Variants in UXS1 observed in about 807,000 individuals in gnomAD.
The protein encoded by UXS1 is UDP-glucuronate decarboxylase 1.
A neutral mutation model predicts 62.6 loss-of-function variants in UXS1; 33 were observed. The observed-to-expected ratio is 0.53, with a 90% CI of 0.40 to 0.70. UXS1 has a LOEUF of 0.70. Ranked by LOEUF, UXS1 falls within the 30% of genes least tolerant of loss-of-function variation. UXS1 has a pLI of 0.00. For synonymous variants in UXS1, 213 were observed against 206.8 expected (o/e 1.03, Z -0.26); for missense variants, 434 against 556.3 (o/e 0.78, Z 2.21).
chr2:106,096,741 G>A lies in UXS1; in HGVS notation c.1123C>T (p.Leu375=), dbSNP rs1248910574. The change falls in exon 14 of 15, where the codon CTG becomes TTG. Residue 375 remains leucine, a synonymous_variant. Coordinates refer to ENST00000283148, the MANE Select transcript of UXS1 (RefSeq NM_001253875.2). ...KRKPDIKKAK[L]MLGWEPVVPL... is the part of the protein sequence containing the mutation. The stretch of plus-strand genomic sequence containing the variant: ...ACCACGGGCTCCCACCCCAGCATCA[G>A]CTTTGCTTTTTTGATGTCTGGTTTT... The A allele has an allele frequency of 6.3e-7, 1 of 1,582,124 alleles. No homozygotes were observed. The highest frequency in any genetic ancestry group is 1.7e-4 in the Middle Eastern group (1 of 6,028).
chr2:106,165,667 CCT>C (rs748347021), intron 2 of UXS1, among the ~76,000 whole-genome samples: 12 of 152,178 alleles, frequency 7.9e-5, no homozygotes, highest in African/African-American at 1.7e-4. Flanking sequence ...TAGCTGGCCC[CCT>C]GAGGTCATGG....
At position 106,145,175 on chromosome 2, in the gene UXS1, G is replaced by C. The variant is rs769595335; in HGVS notation, c.472+15C>G. ...GCGGAGCTCTGAATAATAACAATGTGCAGTTTTCACTCACCCTCGATGTAG... is the reference window on the plus strand; with the variant it reads ...GCGGAGCTCTGAATAATAACAATGTCCAGTTTTCACTCACCCTCGATGTAG... On this transcript the variant is annotated intron_variant, in intron 6 of 14. Transcript: ENST00000283148. 1.1e-5 allele frequency: 18 copies of C among 1,610,134 alleles called. No individual in the cohort carries two copies. Among genetic ancestry groups the C allele is most frequent in the Admixed American group, 1.7e-5 (1 of 59,682 alleles).
At chr2:106,110,388 T>C (rs1678490871) in intron 10 of UXS1, among the ~76,000 whole-genome samples, 1 of 152,194 alleles carries the variant, frequency 6.6e-6, no homozygotes, top group African/African-American at 2.4e-5. Context: ...GCCCTGGCTG[T>C]GGCCAAGGAG....
In UXS1 at chr2:106,181,433, G is replaced by A. The variant is rs375078558; in HGVS notation, c.94+12715C>T. 2.8e-4 allele frequency among the ~76,000 whole-genome samples: 42 copies of A among 152,260 alleles called. 4 individuals are homozygous for A. The highest frequency in any genetic ancestry group is 2.2e-3 in the Admixed American group (33 of 15,290). On this transcript the variant is annotated intron_variant, in intron 1 of 14. Transcript: ENST00000283148. Reference sequence around the variant, plus strand: ...GAATGCCTAAGGCAAAGAAAGCTGGGGCAAGCGGGGCGTGGTGGCTCACAC... The same window carrying A: ...GAATGCCTAAGGCAAAGAAAGCTGGAGCAAGCGGGGCGTGGTGGCTCACAC...
intron 6 of UXS1, among the ~76,000 whole-genome samples, chr2:106,139,745 A>G (rs538510839): frequency 5.2e-4 from 79 of 152,298 alleles, no homozygotes; most frequent in African/African-American, 1.9e-3. Flanking sequence ...TGCCACACCC[A>G]TGCTGTATGA....
chr2:106,095,093 C>T (rs544422733), intron 14 of UXS1, among the ~76,000 whole-genome samples: 5 of 152,014 alleles, frequency 3.3e-5, no homozygotes, highest in Non-Finnish European at 7.4e-5. Flanking sequence ...GCTCACATTC[C>T]AAGAATGTTA....
chr2:106,170,218 C>T (rs1028403752), intron 1 of UXS1, among the ~76,000 whole-genome samples: 2 of 152,212 alleles, frequency 1.3e-5, no homozygotes, highest in South Asian at 2.1e-4. Flanking sequence ...TGTCCCCAAC[C>T]CTTCAGCTCG....
rs562237607 is a variant in UXS1, at chr2:106,163,067, C to A, written c.230+600G>T. On this transcript the variant is annotated intron_variant, in intron 4 of 14. Coordinates refer to ENST00000283148, the MANE Select transcript of UXS1 (RefSeq NM_001253875.2). ...CATACAGTACGTGCAAGAGGAAAGTCCTGGAGGCTGAGGCTCAGCGGCCTC... is the reference window on the plus strand; with the variant it reads ...CATACAGTACGTGCAAGAGGAAAGTACTGGAGGCTGAGGCTCAGCGGCCTC... 1.4e-4 allele frequency among the ~76,000 whole-genome samples: 22 copies of A among 152,302 alleles called. No individual in the cohort carries two copies. In the South Asian group the frequency reaches 4.6e-3, roughly 32 times the overall value.
intron 11 of UXS1, chr2:106,101,571 A>G (rs1357000839): frequency 1.9e-5 from 3 of 155,014 alleles, no homozygotes; most frequent in Non-Finnish European, 2.9e-5. Context: ...AACAAGATCC[A>G]CGGAAATGAA....
At chr2:106,128,198 T>C (rs1352645144) in intron 7 of UXS1, among the ~76,000 whole-genome samples, 1 of 152,108 alleles carries the variant, frequency 6.6e-6, no homozygotes, top group African/African-American at 2.4e-5. Context: ...GCGCTTGTGA[T>C]GGCAAGAAGA....
chr2:106,191,605 T>C (rs996521276), intron 1 of UXS1, among the ~76,000 whole-genome samples: 1 of 152,238 alleles, frequency 6.6e-6, no homozygotes, highest in Non-Finnish European at 1.5e-5. Context: ...CTCTGGCCCC[T>C]GTCTGCCTGG....
chr2:106,129,792 A>C lies in UXS1; in HGVS notation c.473-14T>G. 3.2e-6 allele frequency: 5 copies of C among 1,568,756 alleles called. No individual in the cohort carries two copies. Among genetic ancestry groups the C allele is most frequent in the Non-Finnish European group, 4.3e-6 (5 of 1,151,278 alleles). On this transcript the variant is annotated splice_polypyrimidine_tract_variant and intron_variant, in intron 6 of 14. Transcript: ENST00000283148. ...ATATCTGGTCAACTAAAGGAGACAAAACAGAAGCCTATTACTTCAAAAAAG... is the reference window on the plus strand; with the variant it reads ...ATATCTGGTCAACTAAAGGAGACAACACAGAAGCCTATTACTTCAAAAAAG...
intron 2 of UXS1, 63 bp downstream of exon 2, chr2:106,165,993 T>G (rs1683187715): frequency 1.2e-5 from 18 of 1,508,678 alleles, no homozygotes. Flanking sequence ...ATGGTATATA[T>G]GTACCAACTG....
Position 106,149,888 on chromosome 2 carries a change from G to C in UXS1, c.292-4518C>G, listed in dbSNP as rs117489184. Among the ~76,000 whole-genome samples, 3 of 152,286 alleles carry C rather than the reference G, an allele frequency of 2.0e-5. No homozygotes were observed. In the East Asian group the frequency reaches 5.8e-4, roughly 29 times the overall value. On this transcript the variant is annotated intron_variant, in intron 5 of 14. Coordinates refer to ENST00000283148, the MANE Select transcript of UXS1 (RefSeq NM_001253875.2). The stretch of plus-strand genomic sequence containing the variant: ...AGAGAAGAGCTGTGGGGGAAGTCTA[G>C]AACTTCTTAGAGATTACCTGTAACA...
At chr2:106,168,620 A>C (rs548329564) in intron 1 of UXS1, among the ~76,000 whole-genome samples, 2 of 152,272 alleles carry the variant, frequency 1.3e-5, no homozygotes, top group East Asian at 3.9e-4. Flanking sequence ...TTTTGCTTTT[A>C]TCTTACTCTC....
Position 106,096,800 on chromosome 2 carries a change from A to T in UXS1, c.1064T>A (p.Phe355Tyr). 6.3e-7 allele frequency: 1 copy of T among 1,590,590 alleles called. No individual in the cohort carries two copies. The highest frequency in any genetic ancestry group is 8.6e-7 in the Non-Finnish European group (1 of 1,167,010). ...TGGGTCATCCTGGGCTTCGGAGAGA[A>T]ACTGAATTTCACTTCCGCTACCTGA... Reference protein sequence around the residue: ...NLVGSGSEIQFLSEAQDDPQK... With the variant: ...NLVGSGSEIQYLSEAQDDPQK... The change falls in exon 14 of 15, where the codon TTT (phenylalanine) becomes TAT (tyrosine). Residue 355 changes from phenylalanine to tyrosine, a missense_variant. Physicochemically the swap from Phe to Tyr is conservative, Grantham distance 22. Around this residue, in one of 3 missense-constraint regions of UXS1, gnomAD observed 209 missense variants for 233.3 expected, o/e 0.90. Coordinates refer to ENST00000283148, the MANE Select transcript of UXS1 (RefSeq NM_001253875.2).
At position 106,163,823 on chromosome 2, in the gene UXS1, AT is replaced by A. The variant is rs1683052980; in HGVS notation, c.187-114del. On this transcript the variant is annotated intron_variant, in intron 3 of 14. Transcript: ENST00000283148. The stretch of plus-strand genomic sequence containing the variant: ...AAACAGGTTTTAATTTCTTCTACAA[AT>A]TAACTTCCAGTTTGAAATTAAGATA... 1.3e-5 allele frequency: 7 copies of A among 553,286 alleles called. No individual in the cohort carries two copies. In the East Asian group the frequency reaches 1.8e-4, roughly 14 times the overall value. The allele number at this position is 553,286 out of a possible 1,614,324, so 34.3% of individuals were successfully genotyped here.
At chr2:106,117,185 G>A (rs1679127624) in intron 9 of UXS1, among the ~76,000 whole-genome samples, 1 of 152,182 alleles carries the variant, frequency 6.6e-6, no homozygotes. Context: ...GTGAGAGGTT[G>A]GCATACTGTC....
At chr2:106,187,280 G>A (rs945313050) in intron 1 of UXS1, among the ~76,000 whole-genome samples, 2 of 152,100 alleles carry the variant, frequency 1.3e-5, no homozygotes, top group African/African-American at 2.4e-5. Context: ...CTAGGAACCT[G>A]CATTTGACAA....
Sources: gnomAD v4.1 joint callset for allele counts (sites outside exome capture counted in the v4.1 genomes callset) on GRCh38, gnomAD v4.1.1 for gene constraint, gnomAD v4.1.1 regional missense constraint, MANE v1.5 for transcripts, NCBI Gene and HGNC (gene_info 2026-07-23, HGNC 2026-07-21) for gene names.